The following UEVLD variants were observed in gnomAD, a reference collection of about 807,000 sequenced individuals.
UEVLD encodes UEV and lactate/malate dehyrogenase domains, also known as ubiquitin-conjugating enzyme E2 variant 3.
In UEVLD, 47 loss-of-function variants were observed where a neutral mutation model predicts 58.6. The observed-to-expected ratio is 0.80, with a 90% CI of 0.63 to 1.02. The LOEUF is 1.02. UEVLD is among the 50% of genes least tolerant of loss of function. The pLI is 0.00. For synonymous variants in UEVLD, 197 were observed against 195.3 expected (o/e 1.01, Z -0.07); for missense variants, 510 against 550.6 (o/e 0.93, Z 0.74).
intron 6 of UEVLD, among the ~76,000 whole-genome samples, chr11:18,559,179 G>C (rs116074373): frequency 0.018 from 2,674 of 151,562 alleles, 68 homozygotes; most frequent in African/African-American, 0.061. Flanking sequence ...CAGGTCTGCA[G>C]GTTTCTTTTT....
rs143197177 is a variant in UEVLD at position 18,575,807 on chromosome 11, G to A, written c.128-395C>T. On this transcript the variant is annotated intron_variant, in intron 2 of 11. Coordinates refer to ENST00000396197, the MANE Select transcript of UEVLD (RefSeq NM_001040697.4). ...ATGAGAAAATTTGAAAACTTAAGAAGTACTATAATATGTGGGGCCATTATT... is the reference window on the plus strand; with the variant it reads ...ATGAGAAAATTTGAAAACTTAAGAAATACTATAATATGTGGGGCCATTATT... Among the ~76,000 whole-genome samples the A allele has an allele frequency of 1.4e-4, 21 of 151,946 alleles. No individual in the cohort carries two copies. In the East Asian group the frequency reaches 2.3e-3, roughly 17 times the overall value.
At chr11:18,542,766 G>C (rs956253896) in intron 9 of UEVLD, among the ~76,000 whole-genome samples, 1 of 151,866 alleles carries the variant, frequency 6.6e-6, no homozygotes, top group African/African-American at 2.4e-5. Flanking sequence ...TTTTGAGAGG[G>C]TGATTTGCTT....
At chr11:18,546,308 A>G (rs1851300181) in intron 8 of UEVLD, among the ~76,000 whole-genome samples, 1 of 152,170 alleles carries the variant, frequency 6.6e-6, no homozygotes, top group Admixed American at 6.5e-5. Flanking sequence ...TGAGGAAGGT[A>G]TGGCTTAGAA....
At chr11:18,546,351 T>C (rs978434059) in intron 8 of UEVLD, among the ~76,000 whole-genome samples, 9 of 152,162 alleles carry the variant, frequency 5.9e-5, no homozygotes, top group African/African-American at 1.9e-4. Context: ...CATTAAAAAA[T>C]TGTATGCTGG....
intron 7 of UEVLD, among the ~76,000 whole-genome samples, chr11:18,557,935 CA>C (rs1175796534): frequency 2.0e-5 from 3 of 152,084 alleles, no homozygotes; most frequent in African/African-American, 7.2e-5. Flanking sequence ...AGAAAAGAGG[CA>C]ATCAGAGATA....
At position 18,530,337 on chromosome 11, in the gene UEVLD, T is replaced by C. The variant is rs1199998217; in HGVS notation, c.*1983A>G. 2 of 152,232 alleles carry C rather than the reference T, an allele frequency of 1.3e-5. No individual in the cohort carries two copies. The highest frequency in any genetic ancestry group is 4.8e-5 in the African/African-American group (2 of 41,460). 9.4% of individuals were successfully genotyped at this position (152,232 alleles called of 1,614,324 possible). A position where few individuals can be genotyped will look rare whatever the true frequency, so the allele number is the denominator to read the frequency against. On this transcript the variant is annotated 3_prime_UTR_variant, in exon 12 of 12. Coordinates refer to ENST00000396197, the MANE Select transcript of UEVLD (RefSeq NM_001040697.4). ...AAGGTTTTTATTCAGTTAACTCTGG[T>C]TGGAATCTTTCCAAGCATATTAAAT...
At chr11:18,588,572 A>G in intron 1 of UEVLD, 41 bp downstream of exon 1, 1 of 1,604,154 alleles carries the variant, frequency 6.2e-7, no homozygotes, top group Non-Finnish European at 8.5e-7. Context: ...ACCCCCCGCA[A>G]GACCCTGAGG....
chr11:18,559,226 T>C (rs1057257195), intron 6 of UEVLD, among the ~76,000 whole-genome samples: 18 of 151,146 alleles, frequency 1.2e-4, no homozygotes, highest in African/African-American at 4.1e-4. Flanking sequence ...TGAGAAGGAG[T>C]CTTGCTCTGT....
chr11:18,542,335 T>G (rs760017997), intron 9 of UEVLD, among the ~76,000 whole-genome samples: 34 of 152,230 alleles, frequency 2.2e-4, no homozygotes, highest in Non-Finnish European at 4.3e-4. Flanking sequence ...GCCATGAATT[T>G]CAAATGTATT....
chr11:18,560,699 C>T (rs1851992386), intron 6 of UEVLD, among the ~76,000 whole-genome samples: 2 of 152,070 alleles, frequency 1.3e-5, no homozygotes, highest in African/African-American at 2.4e-5. Flanking sequence ...CATATATTAT[C>T]ACCAGGGATT....
chr11:18,554,634 G>A (rs1285305433), intron 7 of UEVLD, among the ~76,000 whole-genome samples: 1 of 151,924 alleles, frequency 6.6e-6, no homozygotes, highest in African/African-American at 2.4e-5. Context: ...CTGACCTCAG[G>A]TGATCCACCC....
intron 6 of UEVLD, among the ~76,000 whole-genome samples, chr11:18,558,860 A>G (rs1474470169): frequency 6.6e-6 from 1 of 152,008 alleles, no homozygotes; most frequent in African/African-American, 2.4e-5. Flanking sequence ...ACAGGGCTTA[A>G]CTCACAAGTC....
chr11:18,537,041 A>C (rs1050908486), intron 9 of UEVLD, among the ~76,000 whole-genome samples: 9 of 151,466 alleles, frequency 5.9e-5, no homozygotes, highest in Non-Finnish European at 8.8e-5. Flanking sequence ...TACTACAGGC[A>C]CATGCCACCA....
rs908434152 is a variant in UEVLD at position 18,546,646 on chromosome 11, C to G, written c.886+234G>C. The stretch of plus-strand genomic sequence containing the variant: ...TCCAAGTAGCCGGGATTACAGGCAC[C>G]CGCCACCATGCCTGGCTAACTTTTG... On this transcript the variant is annotated intron_variant, in intron 8 of 11. Coordinates refer to ENST00000396197, the MANE Select transcript of UEVLD (RefSeq NM_001040697.4). 5.3e-5 allele frequency among the ~76,000 whole-genome samples: 8 copies of G among 151,916 alleles called. No individual in the cohort carries two copies. In the East Asian group the frequency reaches 5.8e-4, roughly 11 times the overall value.
intron 6 of UEVLD, among the ~76,000 whole-genome samples, chr11:18,560,649 A>C (rs1838784413): frequency 6.6e-6 from 1 of 152,220 alleles, no homozygotes; most frequent in Admixed American, 6.5e-5. Context: ...GCAGAGATTG[A>C]AAAAGTTTTA....
At position 18,532,143 on chromosome 11, in the gene UEVLD, C is replaced by T. The variant is rs1035603282; in HGVS notation, c.*177G>A. 1.4e-5 allele frequency: 7 copies of T among 487,898 alleles called. No individual in the cohort carries two copies. The highest frequency in any genetic ancestry group is 1.2e-4 in the African/African-American group (6 of 49,844). 30.2% of individuals were successfully genotyped at this position (487,898 alleles called of 1,614,324 possible). ...CCAAATAAAATTAATTTTTCCCCTC[C>T]TTGTATAACTCCTTAAGGATTTACA... is the stretch of plus-strand genomic sequence containing the variant. On this transcript the variant is annotated 3_prime_UTR_variant, in exon 12 of 12. Transcript: ENST00000396197.
intron 7 of UEVLD, among the ~76,000 whole-genome samples, chr11:18,547,606 A>C (rs1212952651): frequency 6.6e-6 from 1 of 152,216 alleles, no homozygotes; most frequent in Non-Finnish European, 1.5e-5. Context: ...AAAACCTACA[A>C]ACAAGAACTG....
intron 9 of UEVLD, among the ~76,000 whole-genome samples, chr11:18,541,821 T>C (rs772085742): frequency 2.8e-4 from 43 of 152,172 alleles, no homozygotes; most frequent in Non-Finnish European, 5.3e-4. Flanking sequence ...AGTGAGTAAA[T>C]GTCCCTGTGG....
chr11:18,563,743 A>G lies in UEVLD; in HGVS notation c.612+1149T>C, dbSNP rs1014656883. On this transcript the variant is annotated intron_variant, in intron 6 of 11. Coordinates refer to ENST00000396197, the MANE Select transcript of UEVLD (RefSeq NM_001040697.4). Reference sequence around the variant, plus strand: ...TAGCAGGCCAGGTACGGTGGCTCACACTTGTAATCCCAGCACTTTGGGAGG... The same window carrying G: ...TAGCAGGCCAGGTACGGTGGCTCACGCTTGTAATCCCAGCACTTTGGGAGG... 1.1e-4 allele frequency: 108 copies of G among 974,968 alleles called. No individual in the cohort carries two copies. The African/African-American group carries it at 1.8e-3, about 16-fold the overall frequency. The allele number at this position is 974,968 out of a possible 1,614,324, so 60.4% of individuals were successfully genotyped here. A position where few individuals can be genotyped will look rare whatever the true frequency, so the allele number is the denominator to read the frequency against.
Sources: gnomAD v4.1 joint callset for allele counts (sites outside exome capture counted in the v4.1 genomes callset) on GRCh38, gnomAD v4.1.1 for gene constraint, MANE v1.5 for transcripts, NCBI Gene and HGNC (gene_info 2026-07-23, HGNC 2026-07-21) for gene names.